SHANK2: variants seen among roughly 807,000 people sequenced by gnomAD.
The protein encoded by SHANK2 is SH3 and multiple ankyrin repeat domains 2, also known as SH3 and multiple ankyrin repeat domains protein 2.
In SHANK2, 43 loss-of-function variants were observed where a neutral mutation model predicts 133.7. The ratio of observed to expected loss-of-function variants is 0.32; its 90% CI spans 0.25 to 0.41. The LOEUF is 0.41. Among genes scored for constraint, SHANK2 ranks in the 10% least tolerant of loss-of-function variants. The pLI is 1.00. For missense variants in SHANK2, 1,994 were observed against 2,235.8 expected (o/e 0.89, Z 2.18); for synonymous variants, 1,017 against 952.8 (o/e 1.07, Z -1.24).
chr11:71,097,243 C>T (rs1951631777), intron 6 of SHANK2, among the ~76,000 whole-genome samples: 1 of 152,134 alleles, frequency 6.6e-6, no homozygotes, highest in Non-Finnish European at 1.5e-5. Context: ...ACCACATTTG[C>T]AAAGAGCACG....
chr11:70,624,562 C>T (rs1187221491), intron 17 of SHANK2, among the ~76,000 whole-genome samples: 3 of 152,096 alleles, frequency 2.0e-5, no homozygotes, highest in East Asian at 3.9e-4. Flanking sequence ...AGCCTCAAAC[C>T]GTCTTTCCCT....
intron 3 of SHANK2, among the ~76,000 whole-genome samples, chr11:71,119,958 C>T (rs1252378168): frequency 2.6e-5 from 4 of 152,326 alleles, no homozygotes; most frequent in East Asian, 1.9e-4. Context: ...ATACTACCTA[C>T]GCTGACTCTG....
At position 70,507,685 on chromosome 11, in the gene SHANK2, G is replaced by A. The variant is rs1425532553; in HGVS notation, c.2062-4754C>T. Among the ~76,000 whole-genome samples the A allele has an allele frequency of 2.6e-5, 4 of 152,216 alleles. 1 individual carries two copies. The South Asian group carries it at 6.2e-4, about 24-fold the overall frequency. On this transcript the variant is annotated intron_variant, in intron 17 of 25. Transcript: ENST00000601538. ...GACAGACACGGACATGAGGTCTGGAGGGGCCTGTGGGGGACCCCAACTCAA... is the reference window on the plus strand; with the variant it reads ...GACAGACACGGACATGAGGTCTGGAAGGGCCTGTGGGGGACCCCAACTCAA...
intron 8 of SHANK2, among the ~76,000 whole-genome samples, chr11:71,077,390 T>C (rs1951235669): frequency 6.6e-6 from 1 of 152,208 alleles, no homozygotes; most frequent in African/African-American, 2.4e-5. Context: ...CACTCTTCCC[T>C]TGCAAGGGCA....
At chr11:70,538,651 C>T (rs1488813550) in intron 17 of SHANK2, among the ~76,000 whole-genome samples, 1 of 152,202 alleles carries the variant, frequency 6.6e-6, no homozygotes, top group East Asian at 1.9e-4. Context: ...GGCTGTCACT[C>T]TTGCTCCGTC....
At chr11:70,916,680 A>G (rs1434480113) in intron 10 of SHANK2, among the ~76,000 whole-genome samples, 1 of 152,164 alleles carries the variant, frequency 6.6e-6, no homozygotes, top group Admixed American at 6.5e-5. Flanking sequence ...CGCCTGGCAC[A>G]GCATTCAGCA....
chr11:70,744,728 G>A (rs1041075908), intron 14 of SHANK2, among the ~76,000 whole-genome samples: 4 of 152,242 alleles, frequency 2.6e-5, no homozygotes, highest in Admixed American at 2.0e-4. Context: ...ACAGCCAGAC[G>A]AAGTTTCTTG....
rs377062687 is a variant in SHANK2, at chr11:70,487,031, C to G, written c.3262G>C (p.Asp1088His). 2 of 1,609,234 alleles carry G rather than the reference C, an allele frequency of 1.2e-6. No individual in the cohort carries two copies. Among genetic ancestry groups the G allele is most frequent in the African/African-American group, 2.7e-5 (2 of 74,906 alleles). The change falls in exon 25 of 26, where the codon GAC becomes CAC. Residue 1088 changes from aspartate to histidine, a missense_variant. This residue lies in a region of SHANK2 where 488 missense variants were observed against 642.6 expected (regional missense o/e 0.76). Coordinates refer to ENST00000601538, the MANE Select transcript of SHANK2 (RefSeq NM_012309.5). The surrounding 1 kb of genome is among the most constrained non-coding windows in gnomAD (Gnocchi z 5.8). The part of the protein sequence containing the change: ...FAAAIAGAVR[D>H]REKRLEARRN... The stretch of plus-strand genomic sequence containing the variant: ...CTGGCTTCCAGCCGCTTCTCACGGT[C>G]GCGGACGGCTCCGGCGATGGCGGCG...
chr11:70,606,458 G>A (rs1356652924), intron 17 of SHANK2, among the ~76,000 whole-genome samples: 3 of 131,190 alleles, frequency 2.3e-5, no homozygotes, highest in Non-Finnish European at 4.6e-5. Flanking sequence ...GGGGTGTCAC[G>A]TGATTGTACC....
rs1427733509 is a variant in SHANK2 at position 70,882,570 on chromosome 11, G to A, written c.1174+13931C>T. The stretch of plus-strand genomic sequence containing the variant: ...ATTAATAGGTCACAGAACAGGAGCA[G>A]GGGCCAGCTGGGCTAGTCTGTGCAG... On this transcript the variant is annotated intron_variant, in intron 11 of 25. Coordinates refer to ENST00000601538, the MANE Select transcript of SHANK2 (RefSeq NM_012309.5). The surrounding 1 kb of genome is among the most constrained non-coding windows in gnomAD (Gnocchi z 4.2). Among the ~76,000 whole-genome samples the A allele has an allele frequency of 6.6e-6, 1 of 152,204 alleles. No homozygotes were observed. The highest frequency in any genetic ancestry group is 2.4e-5 in the African/African-American group (1 of 41,440).
chr11:70,631,408 A>ACACACCCC lies in SHANK2; in HGVS notation c.2061+28419_2061+28420insGGGGTGTG, dbSNP rs1555002113. On this transcript the variant is annotated intron_variant, in intron 17 of 25. Transcript: ENST00000601538. ...CACACACACACACACACACACACAC[A>ACACACCCC]CCCACACAACCTCCCTCCCACCTGC... 1.1e-3 allele frequency among the ~76,000 whole-genome samples: 168 copies of ACACACCCC among 148,914 alleles called. 1 individual carries two copies. Among genetic ancestry groups the ACACACCCC allele is most frequent in the Middle Eastern group, 3.4e-3 (1 of 290 alleles).
intron 14 of SHANK2, among the ~76,000 whole-genome samples, chr11:70,777,318 T>C (rs1209622111): frequency 1.3e-5 from 2 of 150,194 alleles, no homozygotes. Context: ...CATCTATCTA[T>C]CCATTCATCC....
intron 14 of SHANK2, among the ~76,000 whole-genome samples, chr11:70,788,554 C>T (rs184609836): frequency 6.6e-6 from 1 of 152,282 alleles, no homozygotes; most frequent in East Asian, 1.9e-4. Flanking sequence ...AGACCAAAAA[C>T]ATGGTGTATG....
intron 11 of SHANK2, among the ~76,000 whole-genome samples, chr11:70,846,169 T>C (rs797027034): frequency 3.3e-5 from 5 of 152,210 alleles, no homozygotes; most frequent in African/African-American, 1.2e-4. Context: ...GTGGGGTCTT[T>C]CTACCGTGGC....
intron 11 of SHANK2, among the ~76,000 whole-genome samples, chr11:70,850,278 C>T (rs1555065066): frequency 6.6e-6 from 1 of 152,212 alleles, no homozygotes; most frequent in Non-Finnish European, 1.5e-5. Context: ...GATCACACAG[C>T]TGCACCTGAA....
intron 17 of SHANK2, among the ~76,000 whole-genome samples, chr11:70,643,917 AG>A (rs201980701): frequency 0.012 from 840 of 71,468 alleles, 1 homozygote; most frequent in Non-Finnish European, 0.02. Flanking sequence ...CTGCAGGTGG[AG>A]GGGGGGGAGG....
At chr11:70,850,103 C>T (rs1327173640) in intron 11 of SHANK2, among the ~76,000 whole-genome samples, 1 of 152,128 alleles carries the variant, frequency 6.6e-6, no homozygotes, top group Non-Finnish European at 1.5e-5. Flanking sequence ...CAGGATTTAT[C>T]CTTTAGTGAC....
intron 6 of SHANK2, among the ~76,000 whole-genome samples, chr11:71,104,947 A>G (rs782208166): frequency 2.6e-5 from 4 of 152,160 alleles, no homozygotes; most frequent in Admixed American, 6.5e-5. Flanking sequence ...TTTATTTGCC[A>G]TAAGTAATGT....
At chr11:70,525,197 C>T (rs78034662) in intron 17 of SHANK2, among the ~76,000 whole-genome samples, 5,514 of 152,350 alleles carry the variant, frequency 0.036, 130 homozygotes, top group South Asian at 0.07. Flanking sequence ...GACTTGGGAG[C>T]GCATCCAGGC....
Sources: gnomAD v4.1 joint callset for allele counts (sites outside exome capture counted in the v4.1 genomes callset) on GRCh38, gnomAD v4.1.1 for gene constraint, gnomAD v4.1.1 regional missense constraint, Gnocchi (gnomAD v3.1) non-coding constraint, MANE v1.5 for transcripts, NCBI Gene and HGNC (gene_info 2026-07-23, HGNC 2026-07-21) for gene names.